GBF1: variants seen among roughly 807,000 people sequenced by gnomAD.
The protein encoded by GBF1 is Golgi-specific brefeldin A-resistance guanine nucleotide exchange factor 1.
A neutral mutation model predicts 210.5 loss-of-function variants in GBF1; 114 were observed. That is an observed-to-expected ratio of 0.54 (90% confidence interval 0.47 to 0.63). GBF1 has a LOEUF of 0.63. Among genes scored for constraint, GBF1 ranks in the 30% least tolerant of loss-of-function variants. The pLI, the probability that GBF1 is intolerant of heterozygous loss-of-function variation, is 0.00. For synonymous variants in GBF1, 850 were observed against 889.2 expected (o/e 0.96, Z 0.78); for missense variants, 1,851 against 2,357.7 (o/e 0.79, Z 4.45).
intron 18 of GBF1, among the ~76,000 whole-genome samples, chr10:102,365,973 T>C (rs368163174): frequency 1.3e-5 from 2 of 149,998 alleles, no homozygotes; most frequent in African/African-American, 4.9e-5. Flanking sequence ...AGGTGGGACA[T>C]GGTTAGTGAT....
chr10:102,360,472 C>T lies in GBF1; in HGVS notation c.1392+77C>T, dbSNP rs908574703. ...ACACAGGGAGGTCTGGCTGATTACG[C>T]AAAGAGTATAGGACCTAGGAAAGCA... On this transcript the variant is annotated intron_variant, in intron 12 of 39. Transcript: ENST00000369983. 5.1e-6 allele frequency: 5 copies of T among 975,016 alleles called. No homozygotes were observed. In the African/African-American group the frequency reaches 6.4e-5, roughly 12 times the overall value. The allele number at this position is 975,016 out of a possible 1,614,324, so 60.4% of individuals were successfully genotyped here. A position where few individuals can be genotyped will look rare whatever the true frequency, so the allele number is the denominator to read the frequency against.
Position 102,361,759 on chromosome 10 carries a change from C to T in GBF1, c.1533C>T (p.Asn511=). ...KKLMEIITVE[N]PKMPYEMKEM... Reference sequence around the variant, plus strand: ...TTATGGAGATCATCACTGTGGAGAACCCCAAGATGCCTTATGAGATGAAGG... The same window carrying T: ...TTATGGAGATCATCACTGTGGAGAATCCCAAGATGCCTTATGAGATGAAGG... Residue 511 remains asparagine, a synonymous_variant, in exon 14 of 40, where the codon AAC becomes AAT. Transcript: ENST00000369983. 6.2e-7 allele frequency: 1 copy of T among 1,611,958 alleles called. No individual in the cohort carries two copies. The highest frequency in any genetic ancestry group is 8.5e-7 in the Non-Finnish European group (1 of 1,179,064).
intron 3 of GBF1, among the ~76,000 whole-genome samples, chr10:102,321,278 C>T (rs1589627181): frequency 6.6e-6 from 1 of 152,156 alleles, no homozygotes; most frequent in African/African-American, 2.4e-5. Context: ...CATTGTTCAC[C>T]ATCATATATC....
intron 22 of GBF1, 141 bp downstream of exon 22, chr10:102,368,595 G>C: frequency 1.2e-6 from 1 of 803,904 alleles, no homozygotes; most frequent in Non-Finnish European, 2.1e-6. Context: ...TGAAGCTTGG[G>C]TAGGCTCAGT....
At chr10:102,365,103 C>G (rs1314595514) in intron 17 of GBF1, among the ~76,000 whole-genome samples, 1 of 152,144 alleles carries the variant, frequency 6.6e-6, no homozygotes, top group African/African-American at 2.4e-5. Context: ...GAAGAATTAC[C>G]TAGTTTCTTT....
Position 102,370,786 on chromosome 10 carries a change from CT to C in GBF1, c.3588del (p.Val1197TrpfsTer34). 1.9e-6 allele frequency: 3 copies of C among 1,614,012 alleles called. No homozygotes were observed. The highest frequency in any genetic ancestry group is 2.5e-6 in the Non-Finnish European group (3 of 1,179,930). On this transcript the variant is annotated frameshift_variant, in exon 29 of 40. Coordinates refer to ENST00000369983, the MANE Select transcript of GBF1 (RefSeq NM_001377137.1). LOFTEE classifies it high-confidence loss of function. ...LCVQAQDFCF[L>X]VERAVVGLLR... The stretch of plus-strand genomic sequence containing the variant: ...TGTTCAGGCACAAGATTTCTGCTTC[CT>C]TGTGGAGCGGGCAGTGGTGGGGTTG...
intron 3 of GBF1, among the ~76,000 whole-genome samples, chr10:102,261,596 A>G (rs2073223441): frequency 6.7e-6 from 1 of 149,142 alleles, no homozygotes; most frequent in African/African-American, 2.5e-5. Context: ...AGTTCCCTAC[A>G]TATTTTCTTT....
intron 3 of GBF1, among the ~76,000 whole-genome samples, chr10:102,324,552 G>A (rs1241826496): frequency 2.0e-5 from 3 of 152,024 alleles, no homozygotes; most frequent in Non-Finnish European, 4.4e-5. Flanking sequence ...CTCTACCATT[G>A]GGTGGTCTTG....
At chr10:102,309,776 A>G (rs904881458) in intron 3 of GBF1, among the ~76,000 whole-genome samples, 1 of 152,072 alleles carries the variant, frequency 6.6e-6, no homozygotes, top group Non-Finnish European at 1.5e-5. Context: ...GAAAGGTAAG[A>G]TTTTGTTTTA....
intron 3 of GBF1, among the ~76,000 whole-genome samples, chr10:102,324,017 A>T (rs571746940): frequency 6.6e-6 from 1 of 152,280 alleles, no homozygotes; most frequent in African/African-American, 2.4e-5. Context: ...GGTTTGTCAT[A>T]AGAACTCTCT....
At position 102,377,112 on chromosome 10, in the gene GBF1, ATAC is replaced by A; in HGVS notation, c.4467_4469del (p.His1489_Thr1490delinsGln). ...GACGAAGGCGTGCCTGCCAGCTACC[ATAC>A]GGTGTCTTTACAGGTCAGTCAGGAC... On this transcript the variant is annotated inframe_deletion, in exon 33 of 40. Transcript: ENST00000369983. 1 of 1,614,070 alleles carries A rather than the reference ATAC, an allele frequency of 6.2e-7. No individual in the cohort carries two copies. Among genetic ancestry groups the A allele is most frequent in the Non-Finnish European group, 8.5e-7 (1 of 1,179,950 alleles).
At chr10:102,332,253 G>A (rs1053921694) in intron 3 of GBF1, among the ~76,000 whole-genome samples, 2 of 152,110 alleles carry the variant, frequency 1.3e-5, no homozygotes, top group African/African-American at 4.8e-5. Context: ...AGGGAATAAT[G>A]ACAAGGGAAA....
At position 102,382,229 on chromosome 10, in the gene GBF1, A is replaced by G. The variant is rs987309699; in HGVS notation, c.5476A>G (p.Thr1826Ala). 4.2e-5 allele frequency: 68 copies of G among 1,613,456 alleles called. No individual in the cohort carries two copies. Among genetic ancestry groups the G allele is most frequent in the Admixed American group, 5.0e-5 (3 of 59,954 alleles). Reference protein sequence around the residue: ...SPLQVGVPPMTLPIILNPALI... With the variant: ...SPLQVGVPPMALPIILNPALI... Reference sequence around the variant, plus strand: ...ACTGCAGGTGGGCGTGCCACCTATGACTCTGCCCATCATCCTCAACCCTGC... The same window carrying G: ...ACTGCAGGTGGGCGTGCCACCTATGGCTCTGCCCATCATCCTCAACCCTGC... Residue 1826 changes from threonine to alanine, a missense_variant, in exon 40 of 40, where the codon ACT becomes GCT. Thr to Ala is a moderately conservative substitution (Grantham distance 58). Around this residue, in one of 3 missense-constraint regions of GBF1, gnomAD observed 967 missense variants for 1,247.7 expected, o/e 0.78. Coordinates refer to ENST00000369983, the MANE Select transcript of GBF1 (RefSeq NM_001377137.1).
chr10:102,351,180 A>C, intron 4 of GBF1, 76 bp from the exon 5 acceptor site: 3 of 845,542 alleles, frequency 3.5e-6, no homozygotes, highest in Non-Finnish European at 6.0e-6. Flanking sequence ...ACTGTCTCTC[A>C]AAGCTAGACA....
Position 102,301,298 on chromosome 10 carries a change from G to A in GBF1, c.163+41182G>A, listed in dbSNP as rs571493961. On this transcript the variant is annotated intron_variant, in intron 3 of 39. Coordinates refer to ENST00000369983, the MANE Select transcript of GBF1 (RefSeq NM_001377137.1). ...TGTTTCAGAGAGCACGGGGTTGGGG[G>A]TAAGGTTATAGATTAACAGCATCCC... Among the ~76,000 whole-genome samples, 79 of 152,302 alleles carry A rather than the reference G, an allele frequency of 5.2e-4. No homozygotes were observed. The South Asian group carries it at 0.012, about 23-fold the overall frequency.
chr10:102,366,424 G>C lies in GBF1; in HGVS notation c.2351G>C (p.Arg784Pro), dbSNP rs1181558513. ...GGTCTGCGACTGGACGAAGCCCTCC[G>C]CCTCTACCTGGAAGCCTTCCGTTTG... ...FQGLRLDEAL[R>P]LYLEAFRLPG... is the part of the protein sequence containing the mutation. Residue 784 changes from arginine (R) to proline (P), a missense_variant, in exon 19 of 40, where the codon CGC becomes CCC. This residue lies in a region of GBF1 where 80 missense variants were observed against 151.4 expected (regional missense o/e 0.53). Coordinates refer to ENST00000369983, the MANE Select transcript of GBF1 (RefSeq NM_001377137.1). This position sits in a 1 kb window ranked among gnomAD's most constrained non-coding sequence, Gnocchi z 4.0. 1.2e-6 allele frequency: 2 copies of C among 1,613,876 alleles called. No homozygotes were observed. Among genetic ancestry groups the C allele is most frequent in the Admixed American group, 3.3e-5 (2 of 60,006 alleles).
rs575756561 is a variant in GBF1 at position 102,341,723 on chromosome 10, C to T, written c.164-2328C>T. 2.4e-4 allele frequency among the ~76,000 whole-genome samples: 36 copies of T among 152,310 alleles called. No individual in the cohort carries two copies. In the South Asian group the frequency reaches 7.3e-3, roughly 31 times the overall value. On this transcript the variant is annotated intron_variant, in intron 3 of 39. Coordinates refer to ENST00000369983, the MANE Select transcript of GBF1 (RefSeq NM_001377137.1). Reference sequence around the variant, plus strand: ...AAAATTACATGCTGTATAAATCATTCATTTAAAGAAAAGAATTAATTTTAC... The same window carrying T: ...AAAATTACATGCTGTATAAATCATTTATTTAAAGAAAAGAATTAATTTTAC...
At chr10:102,232,047 G>A in the GBF1 span, 3 of 1,604,494 alleles carry the variant, frequency 1.9e-6, no homozygotes, top group South Asian at 3.3e-5. Flanking sequence ...GCAGGGCTCC[G>A]GGCCTCTGCC....
intron 19 of GBF1, 49 bp from the exon 20 acceptor site, chr10:102,367,036 A>C: frequency 6.2e-7 from 1 of 1,607,060 alleles, no homozygotes; most frequent in Non-Finnish European, 8.5e-7. Flanking sequence ...GTGAGGGTTT[A>C]ATTGGCCAGA....
Sources: allele counts gnomAD v4.1 joint callset (sites outside exome capture counted in the v4.1 genomes callset), GRCh38; gene constraint gnomAD v4.1.1; regional missense constraint gnomAD v4.1.1; non-coding constraint Gnocchi (gnomAD v3.1); transcripts MANE v1.5; gene names NCBI Gene and HGNC (gene_info 2026-07-23, HGNC 2026-07-21).